Variants in TFEC observed in about 807,000 individuals in gnomAD.
TFEC encodes the protein class E basic helix-loop-helix protein 34.
Under a neutral mutation model 41.6 loss-of-function variants are expected in TFEC, and 31 were observed. That is an observed-to-expected ratio of 0.74 (90% CI 0.56 to 1.01). TFEC has a LOEUF of 1.01. Ranked by LOEUF, TFEC falls within the 50% of genes least tolerant of loss-of-function variation. The pLI is 0.00. For synonymous variants in TFEC, 143 were observed against 140.6 expected (o/e 1.02, Z -0.12); for missense variants, 402 against 404.1 (o/e 0.99, Z 0.04).
At chr7:116,052,995 C>A (rs1172121898) in intron 3 of TFEC, among the ~76,000 whole-genome samples, 2 of 151,886 alleles carry the variant, frequency 1.3e-5, no homozygotes, top group Admixed American at 1.3e-4. Flanking sequence ...CGGCATGAAC[C>A]TGGGAGGCGG....
intron 3 of TFEC, among the ~76,000 whole-genome samples, chr7:116,083,646 T>C (rs1235497826): frequency 6.6e-6 from 1 of 151,966 alleles, no homozygotes; most frequent in African/African-American, 2.4e-5. Context: ...CTTCTCACCA[T>C]GGTCTTAAAT....
intron 1 of TFEC, among the ~76,000 whole-genome samples, chr7:116,123,401 C>T (rs1798147775): frequency 6.6e-6 from 1 of 152,048 alleles, no homozygotes; most frequent in South Asian, 2.1e-4. Context: ...TACCTTTAAT[C>T]TTTGCAATTA....
intron 3 of TFEC, among the ~76,000 whole-genome samples, chr7:116,108,601 A>G (rs1417946459): frequency 6.6e-6 from 1 of 152,152 alleles, no homozygotes; most frequent in Non-Finnish European, 1.5e-5. Context: ...GTACACTGAG[A>G]GCATGAGACT....
chr7:116,086,486 T>C (rs377192187), intron 3 of TFEC, among the ~76,000 whole-genome samples: 1 of 151,934 alleles, frequency 6.6e-6, no homozygotes, highest in African/African-American at 2.4e-5. Context: ...TCAGGATATT[T>C]AGGTGTGTGA....
upstream of TFEC, among the ~76,000 whole-genome samples, chr7:116,034,687 T>TACACACACACACAC (rs58308740): frequency 6.7e-6 from 1 of 148,266 alleles, no homozygotes; most frequent in Non-Finnish European, 1.5e-5. Context: ...CAGGCATGCA[T>TACACACACACACAC]ACACACACAC....
At chr7:116,082,272 T>C (rs1797108399) in intron 3 of TFEC, among the ~76,000 whole-genome samples, 1 of 151,982 alleles carries the variant, frequency 6.6e-6, no homozygotes, top group African/African-American at 2.4e-5. Context: ...ATTCTCCCAG[T>C]GCCTGCCTCA....
At chr7:116,015,666 A>T (rs1795163082) in intron 1 of TFEC, among the ~76,000 whole-genome samples, 1 of 152,214 alleles carries the variant, frequency 6.6e-6, no homozygotes, top group Admixed American at 6.5e-5. Flanking sequence ...ATATATAGGA[A>T]TTAAAGGAAA....
chr7:115,968,127 G>A (rs1792957700), intron 3 of TFEC: 2 of 1,480,130 alleles, frequency 1.4e-6, no homozygotes, highest in Admixed American at 2.3e-5. Context: ...TTTAAATTCA[G>A]TATTTAAGGT....
chr7:116,067,699 G>T (rs1796727269), intron 3 of TFEC, among the ~76,000 whole-genome samples: 1 of 151,880 alleles, frequency 6.6e-6, no homozygotes, highest in Admixed American at 6.6e-5. Flanking sequence ...ATTGTGGGTG[G>T]CTATTACTTC....
chr7:116,141,598 A>G (rs1367140578), intron 1 of TFEC, among the ~76,000 whole-genome samples: 2 of 152,262 alleles, frequency 1.3e-5, no homozygotes, highest in Non-Finnish European at 2.9e-5. Flanking sequence ...AATGTTAATG[A>G]CCACCATCCA....
intron 3 of TFEC, among the ~76,000 whole-genome samples, chr7:116,044,860 CA>C (rs1483152121): frequency 3.9e-5 from 6 of 152,296 alleles, no homozygotes; most frequent in Non-Finnish European, 7.4e-5. Context: ...TTTTTTCCCC[CA>C]AATTTATTTC....
At chr7:116,134,198 G>A (rs1171826874) in intron 1 of TFEC, among the ~76,000 whole-genome samples, 1 of 152,172 alleles carries the variant, frequency 6.6e-6, no homozygotes, top group African/African-American at 2.4e-5. Flanking sequence ...ACTGAGTCAA[G>A]TAAATGATCT....
intron 2 of TFEC, among the ~76,000 whole-genome samples, 193 bp from the exon 3 acceptor site, chr7:115,974,449 TAA>T (rs71137143): frequency 0.13 from 4,828 of 37,724 alleles, 453 homozygotes; most frequent in African/African-American, 0.17. Context: ...TATATATATA[TAA>T]AAACACAGAT....
intron 1 of TFEC, among the ~76,000 whole-genome samples, chr7:116,158,956 T>C (rs1159782745): frequency 6.6e-6 from 1 of 152,056 alleles, no homozygotes; most frequent in African/African-American, 2.4e-5. Context: ...GCTAATTTAT[T>C]ATATAATTTG....
intron 3 of TFEC, among the ~76,000 whole-genome samples, chr7:115,973,895 C>A (rs1793248288): frequency 2.0e-5 from 3 of 151,820 alleles, no homozygotes; most frequent in Non-Finnish European, 4.4e-5. Context: ...AGATTAAATT[C>A]CTTACAGAAA....
chr7:116,071,661 G>A (rs148918152), intron 3 of TFEC, among the ~76,000 whole-genome samples: 2 of 151,362 alleles, frequency 1.3e-5, no homozygotes, highest in African/African-American at 4.8e-5. Flanking sequence ...TTGTTATGTA[G>A]AAGATACAGT....
intron 4 of TFEC, among the ~76,000 whole-genome samples, chr7:115,955,401 T>C (rs1350464339): frequency 6.6e-6 from 1 of 152,078 alleles, no homozygotes; most frequent in Non-Finnish European, 1.5e-5. Flanking sequence ...CTAGTTGTCA[T>C]GTCATGAGGA....
chr7:115,958,577 C>G (rs555691046), intron 3 of TFEC, among the ~76,000 whole-genome samples: 1 of 151,838 alleles, frequency 6.6e-6, no homozygotes, highest in African/African-American at 2.4e-5. Flanking sequence ...AGCCATATTA[C>G]AGATATACCG....
intron 1 of TFEC, among the ~76,000 whole-genome samples, chr7:116,135,134 G>T (rs1021114866): frequency 2.6e-5 from 4 of 152,026 alleles, no homozygotes. Flanking sequence ...AAATGTTAAT[G>T]AACAGAGCCA....
Sources: allele counts gnomAD v4.1 joint callset (sites outside exome capture counted in the v4.1 genomes callset), GRCh38; gene constraint gnomAD v4.1.1; transcripts MANE v1.5; gene names NCBI Gene and HGNC (gene_info 2026-07-23, HGNC 2026-07-21).